Variants in CFL1 observed in about 807,000 individuals in gnomAD.
The protein encoded by CFL1 is cofilin-1.
Under a neutral mutation model 16.3 loss-of-function variants are expected in CFL1, and 2 were observed. The ratio of observed to expected loss-of-function variants is 0.12; its 90% CI spans 0.05 to 0.39. The LOEUF (loss-of-function observed/expected upper bound fraction) is 0.39, where lower values mean the gene tolerates loss of function less well. CFL1 is among the 10% of genes least tolerant of loss of function. The probability of loss-of-function intolerance (pLI) is 0.99; values close to 1 mark genes in which losing one functional copy is unlikely to be tolerated. For missense variants in CFL1, 75 were observed against 212.2 expected (o/e 0.35, Z 4.02); for synonymous variants, 111 against 84.4 (o/e 1.31, Z -1.73).
chr11:65,855,831 C>T, intron 2 of CFL1, 101 bp from the exon 3 acceptor site: 4 of 1,501,160 alleles, frequency 2.7e-6, no homozygotes, highest in Non-Finnish European at 2.7e-6. Flanking sequence ...TGTTACAACC[C>T]CCTCCCCCTC....
intron 3 of CFL1, 34 bp from the exon 4 acceptor site, chr11:65,855,482 G>GA (rs1385123419): frequency 6.2e-7 from 1 of 1,601,822 alleles, no homozygotes; most frequent in African/African-American, 1.3e-5. Context: ...CTGTGAGCAG[G>GA]AAGCACTGGG....
At chr11:65,856,400 G>T (rs1859386037) in intron 1 of CFL1, 158 bp from the exon 2 acceptor site, 3 of 650,128 alleles carry the variant, frequency 4.6e-6, no homozygotes, top group Non-Finnish European at 8.0e-6. Context: ...GAACCAGATG[G>T]GACACAACCT....
Position 65,855,392 on chromosome 11 carries a change from G to C in CFL1, c.445C>G (p.Leu149Val). Residue 149 changes from leucine (L) to valine (V), a missense_variant, in exon 4 of 4, where the codon CTG becomes GTG. By Grantham distance (32) the Leu-to-Val change is conservative. Coordinates refer to ENST00000308162, the MANE Select transcript of CFL1 (RefSeq NM_005507.3). ...GCACTGCCCCCCAGCTTCTCTGCCA[G>C]GGTGCAGCGGTCCTTGACCTCCTCG... Reference protein sequence around the residue: ...CYEEVKDRCTLAEKLGGSAVI... With the variant: ...CYEEVKDRCTVAEKLGGSAVI... 6.2e-7 allele frequency: 1 copy of C among 1,613,082 alleles called. No homozygotes were observed. The highest frequency in any genetic ancestry group is 1.7e-5 in the Admixed American group (1 of 60,026).
At position 65,858,077 on chromosome 11, in the gene CFL1, C is replaced by A. The variant is rs1859421787; in HGVS notation, c.3+20G>T. On this transcript the variant is annotated intron_variant, in intron 1 of 3. Coordinates refer to ENST00000308162, the MANE Select transcript of CFL1 (RefSeq NM_005507.3). ...CCGACCCGCAGCCGCCTCCCTCAGGCGCCGTGGCCTGCCGCTCACCATGTT... is the reference window on the plus strand; with the variant it reads ...CCGACCCGCAGCCGCCTCCCTCAGGAGCCGTGGCCTGCCGCTCACCATGTT... 6.5e-7 allele frequency: 1 copy of A among 1,533,476 alleles called. No individual in the cohort carries two copies. The highest frequency in any genetic ancestry group is 8.8e-7 in the Non-Finnish European group (1 of 1,141,000). 95.0% of individuals were successfully genotyped at this position (1,533,476 alleles called of 1,614,324 possible).
intron 1 of CFL1, chr11:65,857,564 C>G: frequency 4.3e-6 from 1 of 230,142 alleles, no homozygotes; most frequent in Admixed American, 5.3e-5. Context: ...CCCAGCATCA[C>G]CCCTCGCCGC....
intron 1 of CFL1, chr11:65,856,660 G>C: frequency 4.5e-6 from 1 of 221,298 alleles, no homozygotes; most frequent in Non-Finnish European, 9.3e-6. Context: ...TTCAGAAAGA[G>C]CCAAGACCCC....
At chr11:65,856,339 G>A in intron 1 of CFL1, 97 bp from the exon 2 acceptor site, 1 of 1,227,878 alleles carries the variant, frequency 8.1e-7, no homozygotes, top group Admixed American at 2.2e-5. Context: ...GTGGTCACTA[G>A]TGCCCTTCCC....
chr11:65,854,945 T>G lies in CFL1; in HGVS notation c.*391A>C. ...GGTCATCTCCACAACATTCCATTTA[T>G]ACACAGAACTAAACAGACAAGCACA... On this transcript the variant is annotated 3_prime_UTR_variant, in exon 4 of 4. Coordinates refer to ENST00000308162, the MANE Select transcript of CFL1 (RefSeq NM_005507.3). 1 of 196,518 alleles carries G rather than the reference T, an allele frequency of 5.1e-6. No individual in the cohort carries two copies. The highest frequency in any genetic ancestry group is 1.1e-5 in the Non-Finnish European group (1 of 93,504). The allele number at this position is 196,518 out of a possible 1,614,324, so 12.2% of individuals were successfully genotyped here.
chr11:65,857,318 C>G (rs1591047791), intron 1 of CFL1: 2 of 340,396 alleles, frequency 5.9e-6, no homozygotes, highest in East Asian at 2.2e-4. Context: ...CACCCTCACT[C>G]AGGCCCATCC....
Position 65,855,011 on chromosome 11 carries a change from G to A in CFL1, c.*325C>T, listed in dbSNP as rs1859354869. On this transcript the variant is annotated 3_prime_UTR_variant, in exon 4 of 4. Coordinates refer to ENST00000308162, the MANE Select transcript of CFL1 (RefSeq NM_005507.3). ...TTAGAAGTTGGCAGCATGGGAAGGG[G>A]GAGGACCAGGTGGGGAATGGGGATG... is the stretch of plus-strand genomic sequence containing the variant. 3 of 329,306 alleles carry A rather than the reference G, an allele frequency of 9.1e-6. No individual in the cohort carries two copies. Among genetic ancestry groups the A allele is most frequent in the East Asian group, 7.3e-5 (1 of 13,612 alleles). The allele number at this position is 329,306 out of a possible 1,614,324, so 20.4% of individuals were successfully genotyped here. A position where few individuals can be genotyped will look rare whatever the true frequency, so the allele number is the denominator to read the frequency against.
intron 1 of CFL1, chr11:65,857,252 G>C (rs1163958666): frequency 7.2e-6 from 2 of 276,848 alleles, no homozygotes; most frequent in Admixed American, 4.8e-5. Context: ...CCGTATACAG[G>C]GGGCGGGGTG....
In CFL1 at chr11:65,854,824, CT is replaced by C. The variant is rs375075100; in HGVS notation, c.*511del. The C allele has an allele frequency of 8.1e-3, 1,183 of 145,846 alleles. 6 individuals carry two copies. The highest frequency in any genetic ancestry group is 0.015 in the African/African-American group (599 of 39,724). The allele number at this position is 145,846 out of a possible 1,614,324, so 9.0% of individuals were successfully genotyped here. A position where few individuals can be genotyped will look rare whatever the true frequency, so the allele number is the denominator to read the frequency against. On this transcript the variant is annotated 3_prime_UTR_variant, in exon 4 of 4. Coordinates refer to ENST00000308162, the MANE Select transcript of CFL1 (RefSeq NM_005507.3). ...CATTAATGAGCCTTTTTATTATTGT[CT>C]TTTTTTTTTTTAATCGAAGGTCCCT...
rs1010583014 is a variant in CFL1, at chr11:65,858,168, G to A, written c.-69C>T. 2.0e-6 allele frequency: 3 copies of A among 1,492,246 alleles called. No individual in the cohort carries two copies. Among genetic ancestry groups the A allele is most frequent in the South Asian group, 2.5e-5 (2 of 79,488 alleles). The allele number at this position is 1,492,246 out of a possible 1,614,324, so 92.4% of individuals were successfully genotyped here. On this transcript the variant is annotated 5_prime_UTR_variant, in exon 1 of 4. Coordinates refer to ENST00000308162, the MANE Select transcript of CFL1 (RefSeq NM_005507.3). ...ACGAGAGCGCTGCAGCCGCTGCCGG[G>A]ACCCGACTGAACGCGGCCTCTCCCG...
chr11:65,857,899 G>C, intron 1 of CFL1, 198 bp downstream of exon 1: 1 of 388,736 alleles, frequency 2.6e-6, no homozygotes, highest in Non-Finnish European at 4.4e-6. Flanking sequence ...GGCGGAGCGC[G>C]AGCGACGTCC....
At chr11:65,858,066 C>A in intron 1 of CFL1, 31 bp downstream of exon 1, 1 of 1,528,432 alleles carries the variant, frequency 6.5e-7, no homozygotes, top group South Asian at 1.2e-5. Context: ...CCCGCAGCCG[C>A]CTCCCTCAGG....
At chr11:65,855,763 C>T in intron 2 of CFL1, 33 bp from the exon 3 acceptor site, 1 of 1,527,098 alleles carries the variant, frequency 6.5e-7, no homozygotes, top group Non-Finnish European at 8.8e-7. Flanking sequence ...CAACTCCCAG[C>T]AACAGCAAAG....
At chr11:65,857,357 G>C in intron 1 of CFL1, 2 of 382,300 alleles carry the variant, frequency 5.2e-6, no homozygotes, top group South Asian at 3.5e-5. Flanking sequence ...CAGGGCTTCG[G>C]CACCGGCGGC....
intron 3 of CFL1, 95 bp downstream of exon 3, chr11:65,855,559 A>C: frequency 6.4e-7 from 1 of 1,557,606 alleles, no homozygotes; most frequent in South Asian, 1.1e-5. Context: ...GCAGGCAGCG[A>C]AGACAAGGGG....
chr11:65,855,180 G>T lies in CFL1; in HGVS notation c.*156C>A. On this transcript the variant is annotated 3_prime_UTR_variant, in exon 4 of 4. Transcript: ENST00000308162. ...GATGGAGGGAGAAGGAAAATCCAGG[G>T]GGTGGGGGGTCTGTTTGGCAACTGG... is the stretch of plus-strand genomic sequence containing the variant. 1 of 613,834 alleles carries T rather than the reference G, an allele frequency of 1.6e-6. No homozygotes were observed. Among genetic ancestry groups the T allele is most frequent in the Non-Finnish European group, 2.9e-6 (1 of 342,708 alleles). 38.0% of individuals were successfully genotyped at this position (613,834 alleles called of 1,614,324 possible).
Sources: gnomAD v4.1 joint callset for allele counts on GRCh38, gnomAD v4.1.1 for gene constraint, MANE v1.5 for transcripts, NCBI Gene and HGNC (gene_info 2026-07-23, HGNC 2026-07-21) for gene names.